The following GLB1 variants were observed in gnomAD, a reference collection of about 807,000 sequenced individuals.
GLB1 encodes the protein beta-galactosidase.
Under a neutral mutation model 74.0 loss-of-function variants are expected in GLB1, and 56 were observed. The ratio of observed to expected loss-of-function variants is 0.76; its 90% confidence interval spans 0.61 to 0.94. The LOEUF (loss-of-function observed/expected upper bound fraction) is 0.94, where lower values mean the gene tolerates loss of function less well. Among genes scored for constraint, GLB1 ranks in the 40% least tolerant of loss-of-function variants. The pLI is 0.00. For synonymous variants in GLB1, 323 were observed against 323.6 expected (o/e 1.00, Z 0.02); for missense variants, 787 against 845.5 (o/e 0.93, Z 0.86).
chr3:32,970,907 C>T, the GLB1 span, among the ~76,000 whole-genome samples: 1 of 152,210 alleles, frequency 6.6e-6, no homozygotes, highest in African/African-American at 2.4e-5. Context: ...GAGCTTATAG[C>T]TCAAACCAAA....
intron 9 of GLB1, among the ~76,000 whole-genome samples, chr3:33,049,080 A>G (rs145369276): frequency 2.4e-3 from 362 of 152,258 alleles, no homozygotes; most frequent in African/African-American, 7.5e-3. Flanking sequence ...TATAACAGTA[A>G]GATTTTTAAA....
Position 33,016,697 on chromosome 3 carries a change from G to A in GLB1, c.1479+12C>T, listed in dbSNP as rs1697248906. On this transcript the variant is annotated intron_variant, in intron 14 of 15. Coordinates refer to ENST00000307363, the MANE Select transcript of GLB1 (RefSeq NM_000404.4). ...CCTTAAACCTTAGTCTTGACAGTGT[G>A]GTTTGTCCTACCTTAAAATCGTTGA... 2 of 1,613,316 alleles carry A rather than the reference G, an allele frequency of 1.2e-6. No individual in the cohort carries two copies.
Position 33,081,506 on chromosome 3 carries a change from C to A in GLB1, c.76-8793G>T, listed in dbSNP as rs1264354308. Among the ~76,000 whole-genome samples the A allele has an allele frequency of 3.9e-5, 6 of 152,150 alleles. No homozygotes were observed. In the East Asian group the frequency reaches 7.7e-4, roughly 20 times the overall value. On this transcript the variant is annotated intron_variant, in intron 1 of 15. Transcript: ENST00000307363. ...GGAATGTAAAAAGGGTGACCAGAGA[C>A]CCCACTACCTGGCTCTATTCCCCAG...
At chr3:33,025,956 T>A (rs1274918624) in intron 10 of GLB1, among the ~76,000 whole-genome samples, 1 of 152,128 alleles carries the variant, frequency 6.6e-6, no homozygotes, top group East Asian at 1.9e-4. Flanking sequence ...AAGGAGGTGG[T>A]CAGTCCCTGA....
At chr3:33,074,480 C>T (rs940320038) in intron 1 of GLB1, among the ~76,000 whole-genome samples, 2 of 151,548 alleles carry the variant, frequency 1.3e-5, no homozygotes, top group South Asian at 4.2e-4. Context: ...TGTATATGTA[C>T]GCATGTATAT....
chr3:33,078,771 A>C (rs1700219512), intron 1 of GLB1, among the ~76,000 whole-genome samples: 1 of 152,208 alleles, frequency 6.6e-6, no homozygotes, highest in African/African-American at 2.4e-5. Flanking sequence ...ATGATACGAT[A>C]TTCATTAGGT....
intron 11 of GLB1, among the ~76,000 whole-genome samples, chr3:33,022,579 T>TTTTTTTTTTTTTTG (rs1697543764): frequency 7.3e-6 from 1 of 137,100 alleles, no homozygotes; most frequent in Non-Finnish European, 1.6e-5. Flanking sequence ...TTTTTTTTTT[T>TTTTTTTTTTTTTTG]TTTTGAGAGA....
At chr3:33,017,514 T>C (rs1013707086) in intron 13 of GLB1, among the ~76,000 whole-genome samples, 2 of 152,320 alleles carry the variant, frequency 1.3e-5, no homozygotes, top group Admixed American at 6.5e-5. Flanking sequence ...ATGAAAGCTG[T>C]TGATTACAAG....
chr3:33,091,043 A>G, intron 1 of GLB1: 1 of 985,476 alleles, frequency 1.0e-6, no homozygotes, highest in African/African-American at 1.7e-5. Flanking sequence ...AAACATTACC[A>G]GCCGCATCAA....
At chr3:32,979,236 AAAGTG>A in the GLB1 span, among the ~76,000 whole-genome samples, 23 of 152,092 alleles carry the variant, frequency 1.5e-4, 1 homozygote, top group Admixed American at 1.5e-3. Flanking sequence ...CCGGTCTCCC[AAAGTG>A]CTGGGATTAC....
chr3:33,058,037 C>A, intron 6 of GLB1, 52 bp downstream of exon 6: 1 of 1,609,414 alleles, frequency 6.2e-7, no homozygotes, highest in Non-Finnish European at 8.5e-7. Flanking sequence ...GAGCAACTGA[C>A]TGAGTAAAAA....
chr3:32,976,358 T>C, the GLB1 span, among the ~76,000 whole-genome samples: 26 of 152,220 alleles, frequency 1.7e-4, no homozygotes, highest in African/African-American at 6.3e-4. Context: ...ACCATCCTAC[T>C]CTTTCCCCTC....
At chr3:33,095,345 G>T (rs368825419) in intron 1 of GLB1, among the ~76,000 whole-genome samples, 1 of 151,390 alleles carries the variant, frequency 6.6e-6, no homozygotes, top group African/African-American at 2.4e-5. Context: ...GTGAAACCCC[G>T]TCTCTACTAA....
chr3:33,021,841 T>A (rs1575418066), intron 11 of GLB1, among the ~76,000 whole-genome samples, 186 bp from the exon 12 acceptor site: 1 of 152,184 alleles, frequency 6.6e-6, no homozygotes, highest in East Asian at 1.9e-4. Flanking sequence ...ACTCCCTAAC[T>A]CCTGATGAAA....
At chr3:32,964,658 A>G in the GLB1 span, among the ~76,000 whole-genome samples, 10 of 152,356 alleles carry the variant, frequency 6.6e-5, no homozygotes, top group East Asian at 1.3e-3. Flanking sequence ...AAAGTTGAAC[A>G]TGTACCTATT....
intron 9 of GLB1, among the ~76,000 whole-genome samples, chr3:33,046,736 G>A (rs559460226): frequency 3.3e-5 from 5 of 152,214 alleles, no homozygotes; most frequent in African/African-American, 4.8e-5. Context: ...CAAACACAGC[G>A]GGAGATGACA....
the GLB1 span, among the ~76,000 whole-genome samples, chr3:32,985,724 G>A: frequency 7.4e-4 from 113 of 151,922 alleles, no homozygotes; most frequent in African/African-American, 2.7e-3. Context: ...TATATTTTTT[G>A]AGATGGAGTC....
chr3:33,094,123 T>C (rs1262267463), intron 1 of GLB1: 2 of 1,613,970 alleles, frequency 1.2e-6, no homozygotes, highest in South Asian at 1.1e-5. Context: ...CGGGAGGCGA[T>C]CATGGACACG....
intron 10 of GLB1, among the ~76,000 whole-genome samples, chr3:33,029,139 C>A (rs1158375727): frequency 2.6e-5 from 4 of 152,188 alleles, no homozygotes; most frequent in Non-Finnish European, 5.9e-5. Context: ...GCAAAATCCT[C>A]ATCTTTACCT....
Sources: allele counts gnomAD v4.1 joint callset (sites outside exome capture counted in the v4.1 genomes callset), GRCh38; gene constraint gnomAD v4.1.1; transcripts MANE v1.5; gene names NCBI Gene and HGNC (gene_info 2026-07-23, HGNC 2026-07-21).